Variants in CDH4 observed in about 807,000 individuals in gnomAD.
CDH4 encodes the protein cadherin 4.
Under a neutral mutation model 86.0 loss-of-function variants are expected in CDH4, and 33 were observed. That is an observed-to-expected ratio of 0.38 (90% CI 0.29 to 0.51). CDH4 has a LOEUF of 0.51. Among genes scored for constraint, CDH4 ranks in the 20% least tolerant of loss-of-function variants. CDH4 has a pLI of 0.86. For synonymous variants in CDH4, 555 were observed against 549.4 expected (o/e 1.01, Z -0.14); for missense variants, 1,114 against 1,307.4 (o/e 0.85, Z 2.28).
At chr20:61,884,954 G>A (rs1322656081) in intron 7 of CDH4, among the ~76,000 whole-genome samples, 1 of 152,134 alleles carries the variant, frequency 6.6e-6, no homozygotes, top group Non-Finnish European at 1.5e-5. Flanking sequence ...CCTTCAGCCT[G>A]GAGAGTCCCT....
At chr20:61,711,950 G>T (rs1386557884) in intron 2 of CDH4, among the ~76,000 whole-genome samples, 5 of 152,166 alleles carry the variant, frequency 3.3e-5, no homozygotes, top group Admixed American at 6.5e-5. Context: ...AGATAGCTGT[G>T]CACTGAGGTG....
At chr20:61,364,182 T>C (rs1436366186) in intron 2 of CDH4, among the ~76,000 whole-genome samples, 2 of 152,188 alleles carry the variant, frequency 1.3e-5, no homozygotes, top group Non-Finnish European at 2.9e-5. Context: ...CTCAGGCTCA[T>C]CCAGTAGGAG....
intron 2 of CDH4, among the ~76,000 whole-genome samples, chr20:61,447,668 A>T (rs1299124414): frequency 6.6e-5 from 9 of 135,634 alleles, no homozygotes; most frequent in Non-Finnish European, 1.1e-4. Flanking sequence ...TGCATGGAAA[A>T]TTTTAATACG....
Position 61,393,827 on chromosome 20 carries a change from C to T in CDH4, c.169+138890C>T, listed in dbSNP as rs1255493025. ...AGTGTGTGAGAGCTACTGCCACCTT[C>T]ACCACCAAGACAGTTGCACCATGGG... On this transcript the variant is annotated intron_variant, in intron 2 of 15. Coordinates refer to ENST00000614565, the MANE Select transcript of CDH4 (RefSeq NM_001794.5). The surrounding 1 kb of genome is among the most constrained non-coding windows in gnomAD (Gnocchi z 4.3). Among the ~76,000 whole-genome samples, 1 of 152,102 alleles carries T rather than the reference C, an allele frequency of 6.6e-6. No individual in the cohort carries two copies. The highest frequency in any genetic ancestry group is 2.4e-5 in the African/African-American group (1 of 41,428).
intron 2 of CDH4, among the ~76,000 whole-genome samples, chr20:61,441,891 G>A (rs2085316618): frequency 6.6e-6 from 1 of 152,162 alleles, no homozygotes; most frequent in Non-Finnish European, 1.5e-5. Flanking sequence ...AGGTGGCACG[G>A]CACGTTCATC....
At chr20:61,508,644 C>G (rs1455422708) in intron 2 of CDH4, among the ~76,000 whole-genome samples, 1 of 152,234 alleles carries the variant, frequency 6.6e-6, no homozygotes, top group Non-Finnish European at 1.5e-5. Flanking sequence ...CAAGTGGCTT[C>G]TAAGCAGCAG....
At chr20:61,671,021 T>G (rs1336682528) in intron 2 of CDH4, among the ~76,000 whole-genome samples, 3 of 152,138 alleles carry the variant, frequency 2.0e-5, no homozygotes, top group Non-Finnish European at 4.4e-5. Flanking sequence ...ACATATCAAA[T>G]CCGGCTGCAC....
intron 2 of CDH4, among the ~76,000 whole-genome samples, chr20:61,258,347 A>AAAAAAAAAG (rs1568770419): frequency 1.5e-4 from 16 of 109,932 alleles, no homozygotes; most frequent in African/African-American, 3.7e-4. Flanking sequence ...AAAAAAAAAG[A>AAAAAAAAAG]AAAAAAAAAA....
intron 2 of CDH4, among the ~76,000 whole-genome samples, chr20:61,398,241 G>A (rs931917201): frequency 6.6e-6 from 1 of 152,190 alleles, no homozygotes; most frequent in African/African-American, 2.4e-5. Context: ...CATTATGGTA[G>A]ATTTGCATTC....
At chr20:61,873,945 CCCCGCAGGACA>C in intron 7 of CDH4, 45 bp downstream of exon 7, 1 of 1,595,240 alleles carries the variant, frequency 6.3e-7, no homozygotes, top group Non-Finnish European at 8.6e-7. Flanking sequence ...AGCTCCTGGT[CCCCGCAGGACA>C]CCCACAGGAC....
At chr20:61,429,209 G>C (rs1438340856) in intron 2 of CDH4, among the ~76,000 whole-genome samples, 5 of 152,126 alleles carry the variant, frequency 3.3e-5, no homozygotes, top group Admixed American at 6.5e-5. Flanking sequence ...ACCAACCCTT[G>C]AGGTAGGGAC....
chr20:61,915,821 C>T (rs1036020707), intron 9 of CDH4, among the ~76,000 whole-genome samples: 7 of 152,078 alleles, frequency 4.6e-5, no homozygotes, highest in Admixed American at 4.6e-4. Context: ...TGGGGCTGGC[C>T]GTGCTTCCGT....
intron 2 of CDH4, among the ~76,000 whole-genome samples, chr20:61,535,050 A>T (rs933085645): frequency 6.6e-6 from 1 of 152,146 alleles, no homozygotes; most frequent in Non-Finnish European, 1.5e-5. Flanking sequence ...ACCTTTGCAG[A>T]CTCATGTGGA....
intron 2 of CDH4, among the ~76,000 whole-genome samples, chr20:61,698,406 G>A (rs2087738151): frequency 6.6e-6 from 1 of 152,248 alleles, no homozygotes; most frequent in South Asian, 2.1e-4. Context: ...TGGAAAGTGG[G>A]AGCCGCAGCC....
chr20:61,528,911 C>T (rs987533467), intron 2 of CDH4, among the ~76,000 whole-genome samples: 3 of 151,178 alleles, frequency 2.0e-5, no homozygotes, highest in Non-Finnish European at 2.9e-5. Flanking sequence ...AGATTTCTTA[C>T]GGTCCATAGA....
intron 2 of CDH4, among the ~76,000 whole-genome samples, chr20:61,342,338 A>C (rs1044808181): frequency 5.9e-5 from 9 of 152,232 alleles, no homozygotes; most frequent in African/African-American, 2.2e-4. Flanking sequence ...CATGACGTAC[A>C]GTCAGTGGGA....
chr20:61,727,125 C>T (rs1013294924), intron 2 of CDH4, among the ~76,000 whole-genome samples: 44 of 152,072 alleles, frequency 2.9e-4, no homozygotes, highest in African/African-American at 9.7e-4. Context: ...TTGCCATCAT[C>T]ATCACCATCA....
At chr20:61,543,863 G>A (rs2086057598) in intron 2 of CDH4, among the ~76,000 whole-genome samples, 1 of 152,222 alleles carries the variant, frequency 6.6e-6, no homozygotes, top group Non-Finnish European at 1.5e-5. Context: ...ATGGAATGGA[G>A]CTGGCAGGTG....
intron 2 of CDH4, among the ~76,000 whole-genome samples, chr20:61,641,698 A>T (rs6142665): frequency 0.35 from 13,986 of 40,164 alleles, 1,796 homozygotes; most frequent in East Asian, 0.45. Context: ...CCCACCAGGC[A>T]CCACAGCACC....
Sources: allele counts gnomAD v4.1 joint callset (sites outside exome capture counted in the v4.1 genomes callset), GRCh38; gene constraint gnomAD v4.1.1; non-coding constraint Gnocchi (gnomAD v3.1); transcripts MANE v1.5; gene names NCBI Gene and HGNC (gene_info 2026-07-23, HGNC 2026-07-21).